EXO1: variants seen among roughly 807,000 people sequenced by gnomAD.
EXO1 encodes the protein exonuclease 1.
A neutral mutation model predicts 84.5 loss-of-function variants in EXO1; 69 were observed. The observed-to-expected ratio is 0.82, with a 90% CI of 0.67 to 1.00. The LOEUF is 1.00. Among genes scored for constraint, EXO1 ranks in the 50% least tolerant of loss-of-function variants. EXO1 has a pLI of 0.00. For missense variants in EXO1, 1,045 were observed against 1,000.7 expected, an observed-to-expected ratio of 1.04 and a Z score of -0.60; for synonymous variants, 373 against 366.1, an observed-to-expected ratio of 1.02 and a Z score of -0.21.
At position 241,857,489 on chromosome 1, in the gene EXO1, A is replaced by T; in HGVS notation, c.543+7A>T. The T allele has an allele frequency of 1.2e-6, 2 of 1,611,098 alleles. No individual in the cohort carries two copies. Among genetic ancestry groups the T allele is most frequent in the Non-Finnish European group, 1.7e-6 (2 of 1,177,926 alleles). On this transcript the variant is annotated splice_region_variant and intron_variant, in intron 7 of 15. Transcript: ENST00000366548. ...AGCTTTTGGCTGTAAAAAGGTACTC[A>T]CCTCTGACTACTATATATTACTTTT...
chr1:241,879,770 C>T (rs1662640124), intron 13 of EXO1, among the ~76,000 whole-genome samples: 1 of 151,966 alleles, frequency 6.6e-6, no homozygotes, highest in Non-Finnish European at 1.5e-5. Flanking sequence ...TTTGGGAGGC[C>T]GAGGCGAGCG....
At chr1:241,861,534 C>A (rs1284838115) in intron 10 of EXO1, 32 bp downstream of exon 10, 1 of 1,138,070 alleles carries the variant, frequency 8.8e-7, no homozygotes, top group Non-Finnish European at 1.3e-6. Flanking sequence ...TATGAAAACA[C>A]GTTTTAGTTA....
chr1:241,859,723 T>C (rs1047439256), intron 8 of EXO1, among the ~76,000 whole-genome samples: 1 of 152,212 alleles, frequency 6.6e-6, no homozygotes, highest in Admixed American at 6.5e-5. Flanking sequence ...TTAAGCCTCA[T>C]TTGATACCAT....
chr1:241,856,322 A>G (rs1326761109), intron 6 of EXO1, among the ~76,000 whole-genome samples: 3 of 147,628 alleles, frequency 2.0e-5, no homozygotes, highest in Admixed American at 6.7e-5. Context: ...ATTTTCCCAT[A>G]GTTTAGAACA....
chr1:241,876,042 G>A (rs577917556), intron 12 of EXO1, among the ~76,000 whole-genome samples: 4 of 152,160 alleles, frequency 2.6e-5, no homozygotes, highest in African/African-American at 9.6e-5. Context: ...AAATGAGAAT[G>A]TTTGTGTGTC....
chr1:241,877,439 C>T (rs1043341508), intron 12 of EXO1, among the ~76,000 whole-genome samples: 1 of 152,078 alleles, frequency 6.6e-6, no homozygotes, highest in Non-Finnish European at 1.5e-5. Flanking sequence ...ATGTTTTCTG[C>T]TTACTGAAAA....
intron 10 of EXO1, 110 bp downstream of exon 10, chr1:241,861,612 G>T: frequency 1.4e-6 from 1 of 737,438 alleles, no homozygotes; most frequent in Non-Finnish European, 2.5e-6. Flanking sequence ...CTATATCCAG[G>T]CTCTGTGCAG....
chr1:241,855,389 CAG>C (rs764766473), intron 6 of EXO1, among the ~76,000 whole-genome samples: 17 of 152,184 alleles, frequency 1.1e-4, no homozygotes, highest in East Asian at 1.9e-4. Context: ...GAGCTAGACA[CAG>C]GGTGCTGATT....
intron 12 of EXO1, among the ~76,000 whole-genome samples, chr1:241,873,883 C>T (rs1469067833): frequency 1.3e-5 from 2 of 152,092 alleles, no homozygotes; most frequent in Non-Finnish European, 2.9e-5. Context: ...GCACCAAGTA[C>T]CTTCCCAGTA....
At chr1:241,887,169 C>CT (rs1663112572) in intron 15 of EXO1, among the ~76,000 whole-genome samples, 1 of 152,240 alleles carries the variant, frequency 6.6e-6, no homozygotes, top group South Asian at 2.1e-4. Flanking sequence ...ACTGGTGTCC[C>CT]TTTTTTCTGT....
chr1:241,857,482 G>A lies in EXO1; in HGVS notation c.543G>A (p.Lys181=). 1 of 1,612,866 alleles carries A rather than the reference G, an allele frequency of 6.2e-7. No homozygotes were observed. Among genetic ancestry groups the A allele is most frequent in the South Asian group, 1.1e-5 (1 of 91,018 alleles). ...ATCTCCTAGCTTTTGGCTGTAAAAA[G>A]GTACTCACCTCTGACTACTATATAT... ...DSDLLAFGCK[K]VILKMDQFGN... is the part of the protein sequence containing the mutation. The change falls in exon 7 of 16, where the codon AAG becomes AAA. Residue 181 remains lysine, a splice_region_variant and synonymous_variant. Transcript: ENST00000366548.
chr1:241,886,064 G>A (rs1370631477), intron 15 of EXO1, among the ~76,000 whole-genome samples: 2 of 152,116 alleles, frequency 1.3e-5, no homozygotes, highest in African/African-American at 2.4e-5. Context: ...TGTTGGTCAG[G>A]CTAGTCTCGA....
intron 11 of EXO1, among the ~76,000 whole-genome samples, chr1:241,869,758 CCTTCCT>C (rs1661977890): frequency 7.7e-6 from 1 of 130,564 alleles, no homozygotes; most frequent in African/African-American, 2.8e-5. Flanking sequence ...CTCCTTCCTT[CCTTCCT>C]TCCCTCCCTC....
At chr1:241,850,859 T>A (rs960695634) in intron 4 of EXO1, among the ~76,000 whole-genome samples, 20 of 144,076 alleles carry the variant, frequency 1.4e-4, no homozygotes, top group Admixed American at 1.3e-3. Context: ...TTTTTTTTTT[T>A]AGATGGAATC....
chr1:241,861,807 G>A (rs1347584427), intron 10 of EXO1, among the ~76,000 whole-genome samples: 1 of 152,158 alleles, frequency 6.6e-6, no homozygotes, highest in Non-Finnish European at 1.5e-5. Flanking sequence ...TTCGGCTTCT[G>A]TGGCATTTGG....
chr1:241,863,816 TC>T (rs1434014183), intron 10 of EXO1, among the ~76,000 whole-genome samples: 1 of 152,254 alleles, frequency 6.6e-6, no homozygotes, highest in Non-Finnish European at 1.5e-5. Context: ...CTATTTTACT[TC>T]CTTAGTTATA....
chr1:241,857,152 C>T (rs1398189750), intron 6 of EXO1, among the ~76,000 whole-genome samples, 193 bp from the exon 7 acceptor site: 1 of 152,146 alleles, frequency 6.6e-6, no homozygotes, highest in South Asian at 2.1e-4. Context: ...TTAAAAATGT[C>T]TTAATGGCTA....
chr1:241,854,365 A>C (rs1660842644), intron 6 of EXO1, among the ~76,000 whole-genome samples: 1 of 152,086 alleles, frequency 6.6e-6, no homozygotes, highest in Non-Finnish European at 1.5e-5. Context: ...TCGAACTCCC[A>C]ATCTCAGGTG....
At chr1:241,879,470 A>G in intron 13 of EXO1, 127 bp downstream of exon 13, 1 of 635,760 alleles carries the variant, frequency 1.6e-6, no homozygotes, top group East Asian at 2.7e-5. Context: ...TCTAAACTCT[A>G]CTGTGCAGAA....
Sources: allele counts gnomAD v4.1 joint callset (sites outside exome capture counted in the v4.1 genomes callset), GRCh38; gene constraint gnomAD v4.1.1; transcripts MANE v1.5; gene names NCBI Gene and HGNC (gene_info 2026-07-23, HGNC 2026-07-21).